Variants in CFAP299 observed in about 807,000 individuals in gnomAD.
CFAP299 encodes the protein cilia and flagella associated protein 299, also known as cilia- and flagella-associated protein 299.
A neutral mutation model predicts 27.0 loss-of-function variants in CFAP299; 21 were observed. The observed-to-expected ratio is 0.78, with a 90% CI of 0.55 to 1.12. The LOEUF is 1.12. CFAP299 is among the 50% of genes most tolerant of loss of function. The probability of loss-of-function intolerance (pLI) is 0.00; values close to 1 mark genes in which losing one functional copy is unlikely to be tolerated. For synonymous variants in CFAP299, 104 were observed against 98.1 expected, an observed-to-expected ratio of 1.06 and a Z score of -0.36; for missense variants, 310 against 276.6, an observed-to-expected ratio of 1.12 and a Z score of -0.86.
intron 2 of CFAP299, among the ~76,000 whole-genome samples, chr4:80,442,123 C>G (rs952143030): frequency 1.3e-5 from 2 of 152,108 alleles, no homozygotes; most frequent in African/African-American, 4.8e-5. Context: ...CTTTACCACC[C>G]CACTGTCAAT....
chr4:80,667,563 T>A (rs940030961), intron 3 of CFAP299, among the ~76,000 whole-genome samples: 3 of 152,154 alleles, frequency 2.0e-5, no homozygotes, highest in African/African-American at 7.2e-5. Context: ...CCCACTTTTT[T>A]TGTTCCCATA....
chr4:80,795,728 T>A (rs78504420), intron 3 of CFAP299, among the ~76,000 whole-genome samples: 2,717 of 152,190 alleles, frequency 0.018, 61 homozygotes, highest in East Asian at 0.06. Context: ...TCTAGTTGAG[T>A]CAGAAAGCAC....
At chr4:80,740,760 C>G (rs1241973838) in intron 3 of CFAP299, among the ~76,000 whole-genome samples, 1 of 152,194 alleles carries the variant, frequency 6.6e-6, no homozygotes, top group Non-Finnish European at 1.5e-5. Context: ...GTCTTTCCTG[C>G]TCTTCCCTCC....
chr4:80,950,729 A>G (rs915512664), intron 5 of CFAP299, among the ~76,000 whole-genome samples: 28 of 152,148 alleles, frequency 1.8e-4, no homozygotes, highest in Non-Finnish European at 1.3e-4. Context: ...TTTAGAATAT[A>G]TGATGCCTGA....
At chr4:80,877,860 A>C (rs912450843) in intron 4 of CFAP299, among the ~76,000 whole-genome samples, 1 of 151,864 alleles carries the variant, frequency 6.6e-6, no homozygotes, top group Non-Finnish European at 1.5e-5. Flanking sequence ...AATTGTTAAC[A>C]TTTTTCCAAA....
In CFAP299 at chr4:80,780,534, A is replaced by G. The variant is rs573516288; in HGVS notation, c.334-89459A>G. On this transcript the variant is annotated intron_variant, in intron 3 of 5. Transcript: ENST00000358105. Reference sequence around the variant, plus strand: ...ATAGAAATTACGTGATGTCCTCAGTATTTAAGAAGAACAACTTTTGGGTTG... The same window carrying G: ...ATAGAAATTACGTGATGTCCTCAGTGTTTAAGAAGAACAACTTTTGGGTTG... Among the ~76,000 whole-genome samples the G allele has an allele frequency of 3.9e-5, 6 of 152,220 alleles. No homozygotes were observed. The East Asian group carries it at 1.2e-3, about 29-fold the overall frequency.
At chr4:80,719,590 AAAAG>A (rs1722699410) in intron 3 of CFAP299, among the ~76,000 whole-genome samples, 4 of 152,224 alleles carry the variant, frequency 2.6e-5, no homozygotes, top group Admixed American at 2.6e-4. Context: ...CCATTTTTGA[AAAAG>A]AAAGAAAGTG....
chr4:80,867,229 T>C (rs968841712), intron 3 of CFAP299, among the ~76,000 whole-genome samples: 1 of 152,162 alleles, frequency 6.6e-6, no homozygotes, highest in East Asian at 1.9e-4. Flanking sequence ...CCATCCCTAG[T>C]AATGGTTTTT....
At chr4:80,328,938 CTT>C in the CFAP299 span, among the ~76,000 whole-genome samples, 2 of 152,188 alleles carry the variant, frequency 1.3e-5, no homozygotes, top group African/African-American at 4.8e-5. Context: ...ATAGAATCAA[CTT>C]TTTTCTCATA....
rs374977373 is a variant in CFAP299, at chr4:80,864,767, A to T, written c.334-5226A>T. ...TTAACATGCTACAAATACAATAGCA[A>T]CATTAATGACAAAAGTTTTCAAAAG... On this transcript the variant is annotated intron_variant, in intron 3 of 5. Transcript: ENST00000358105. Among the ~76,000 whole-genome samples, 9 of 152,118 alleles carry T rather than the reference A, an allele frequency of 5.9e-5. No homozygotes were observed. The South Asian group carries it at 1.9e-3, about 32-fold the overall frequency.
In CFAP299 at chr4:80,386,775, A is replaced by G. The variant is rs373239249; in HGVS notation, c.242+23891A>G. Reference sequence around the variant, plus strand: ...TTCAGCTTGTCCGGCCGGTTGAACAACTTACCGCAGCTTGTGTGCGTCGAT... The same window carrying G: ...TTCAGCTTGTCCGGCCGGTTGAACAGCTTACCGCAGCTTGTGTGCGTCGAT... On this transcript the variant is annotated intron_variant, in intron 2 of 5. Transcript: ENST00000358105. 9.4e-6 allele frequency: 12 copies of G among 1,280,446 alleles called. No individual in the cohort carries two copies. In the African/African-American group the frequency reaches 1.7e-4, roughly 19 times the overall value. The allele number at this position is 1,280,446 out of a possible 1,614,324, so 79.3% of individuals were successfully genotyped here. A position where few individuals can be genotyped will look rare whatever the true frequency, so the allele number is the denominator to read the frequency against.
intron 2 of CFAP299, among the ~76,000 whole-genome samples, chr4:80,487,541 A>G (rs1730885896): frequency 6.6e-6 from 1 of 152,184 alleles, no homozygotes; most frequent in Non-Finnish European, 1.5e-5. Flanking sequence ...TGGAGTCTAG[A>G]AGGCAGAGAG....
chr4:80,590,717 C>T (rs1030555845), intron 3 of CFAP299, among the ~76,000 whole-genome samples: 1 of 152,070 alleles, frequency 6.6e-6, no homozygotes, highest in Admixed American at 6.6e-5. Context: ...CAAAAACTGA[C>T]ACAATAATTA....
chr4:80,659,127 A>G (rs1169948762), intron 3 of CFAP299, among the ~76,000 whole-genome samples: 1 of 152,148 alleles, frequency 6.6e-6, no homozygotes, highest in Non-Finnish European at 1.5e-5. Context: ...TTCCCCTAAT[A>G]ACAACTGCCT....
intron 3 of CFAP299, among the ~76,000 whole-genome samples, chr4:80,610,942 C>T (rs1362262926): frequency 6.6e-6 from 1 of 151,944 alleles, no homozygotes. Context: ...TCTATCAGCC[C>T]TCCAAAAGTA....
At chr4:80,670,427 T>C (rs1418236131) in intron 3 of CFAP299, among the ~76,000 whole-genome samples, 9 of 152,216 alleles carry the variant, frequency 5.9e-5, no homozygotes. Flanking sequence ...TCTGCTATTG[T>C]GAATAGTGCC....
intron 5 of CFAP299, among the ~76,000 whole-genome samples, chr4:80,947,113 T>G (rs1445584119): frequency 6.6e-6 from 1 of 152,310 alleles, no homozygotes; most frequent in East Asian, 1.9e-4. Flanking sequence ...TAACTCAAAC[T>G]CAAACTTCCA....
intron 2 of CFAP299, among the ~76,000 whole-genome samples, chr4:80,542,632 A>G (rs1438292252): frequency 4.0e-5 from 6 of 151,554 alleles, no homozygotes; most frequent in Non-Finnish European, 7.4e-5. Flanking sequence ...TCTGATCTGC[A>G]CTCCCTGCTC....
chr4:80,589,398 A>G lies in CFAP299; in HGVS notation c.333+6215A>G, dbSNP rs375813295. Among the ~76,000 whole-genome samples, 55 of 152,300 alleles carry G rather than the reference A, an allele frequency of 3.6e-4. No homozygotes were observed. In the South Asian group the frequency reaches 0.011, roughly 31 times the overall value. On this transcript the variant is annotated intron_variant, in intron 3 of 5. Coordinates refer to ENST00000358105, the MANE Select transcript of CFAP299 (RefSeq NM_152770.3). ...TTAGTTAAATATGAAAATATGGGAA[A>G]ATATCTTTATACCTTCTGGGAAGAA...
Sources: gnomAD v4.1 joint callset for allele counts (sites outside exome capture counted in the v4.1 genomes callset) on GRCh38, gnomAD v4.1.1 for gene constraint, MANE v1.5 for transcripts, NCBI Gene and HGNC (gene_info 2026-07-23, HGNC 2026-07-21) for gene names.